The following ZFHX4 variants were observed in gnomAD, a reference collection of about 807,000 sequenced individuals.
ZFHX4 encodes zinc finger homeobox 4.
ZFHX4 carries 56 observed loss-of-function variants against 267.6 expected under a neutral mutation model. The ratio of observed to expected loss-of-function variants is 0.21; its 90% CI spans 0.17 to 0.26. The LOEUF is 0.26. Ranked by LOEUF, ZFHX4 falls within the 10% of genes least tolerant of loss-of-function variation. The pLI is 1.00. For synonymous variants in ZFHX4, 1,778 were observed against 1,665.6 expected (o/e 1.07, Z -1.64); for missense variants, 4,332 against 4,420.0 (o/e 0.98, Z 0.56).
chr8:76,840,636 C>T (rs1413757046), intron 5 of ZFHX4, among the ~76,000 whole-genome samples: 1 of 152,072 alleles, frequency 6.6e-6, no homozygotes, highest in Non-Finnish European at 1.5e-5. Flanking sequence ...TTTTATGTAC[C>T]CCCAAGATAA....
intron 3 of ZFHX4, among the ~76,000 whole-genome samples, chr8:76,770,089 C>T (rs1013786617): frequency 1.3e-5 from 2 of 152,130 alleles, no homozygotes; most frequent in African/African-American, 2.4e-5. Flanking sequence ...CTTTTTGTAA[C>T]TCTTTTCAAA....
rs75578257 is a variant in ZFHX4 at position 76,777,961 on chromosome 8, A to T, written c.3094-247A>T. Reference sequence around the variant, plus strand: ...TCTTTGCATATATCTGTTGGAAAACAGTTCCTCTTAGGAGTGGGCTTATAA... The same window carrying T: ...TCTTTGCATATATCTGTTGGAAAACTGTTCCTCTTAGGAGTGGGCTTATAA... On this transcript the variant is annotated intron_variant, in intron 3 of 10. Coordinates refer to ENST00000651372, the MANE Select transcript of ZFHX4 (RefSeq NM_024721.5). Among the ~76,000 whole-genome samples the T allele has an allele frequency of 0.025, 3,859 of 151,662 alleles. 67 individuals carry two copies. Among genetic ancestry groups the T allele is most frequent in the Non-Finnish European group, 0.042 (2,827 of 67,936 alleles).
intron 1 of ZFHX4, among the ~76,000 whole-genome samples, chr8:76,692,577 T>C (rs1394075148): frequency 2.0e-5 from 3 of 152,140 alleles, no homozygotes; most frequent in East Asian, 3.8e-4. Flanking sequence ...CAGTCCTTTA[T>C]TGTTCTATAA....
intron 3 of ZFHX4, among the ~76,000 whole-genome samples, chr8:76,729,217 T>A (rs1343312647): frequency 6.6e-6 from 1 of 152,140 alleles, no homozygotes; most frequent in African/African-American, 2.4e-5. Flanking sequence ...CTACTACCAT[T>A]GTAATGATAG....
intron 3 of ZFHX4, among the ~76,000 whole-genome samples, chr8:76,715,719 G>A (rs994523030): frequency 6.6e-6 from 1 of 151,810 alleles, no homozygotes; most frequent in African/African-American, 2.4e-5. Context: ...ATTTCACTTG[G>A]TTTTACACCA....
In ZFHX4 at chr8:76,854,901, G is replaced by A. The variant is rs1376297935; in HGVS notation, c.7980G>A (p.Glu2660=). 2.5e-6 allele frequency: 4 copies of A among 1,613,350 alleles called. No individual in the cohort carries two copies. The South Asian group carries it at 4.4e-5, about 18-fold the overall frequency. ...QVWFQNTRAR[E]RKGQFRAVGP... ...GGTTCCAGAATACACGAGCGCGGGA[G>A]AGGAAAGGCCAGTTCCGGGCGGTGG... The change falls in exon 10 of 11, where the codon GAG becomes GAA. Residue 2660 remains glutamate, a synonymous_variant. Coordinates refer to ENST00000651372, the MANE Select transcript of ZFHX4 (RefSeq NM_024721.5).
At chr8:76,826,928 C>T (rs74373646) in intron 4 of ZFHX4, among the ~76,000 whole-genome samples, 2,980 of 152,326 alleles carry the variant, frequency 0.02, 74 homozygotes, top group African/African-American at 0.062. Context: ...AGCCAGTGCT[C>T]AGCACAAACA....
At chr8:76,682,892 C>T (rs914999009) in intron 1 of ZFHX4, among the ~76,000 whole-genome samples, 6 of 152,058 alleles carry the variant, frequency 3.9e-5, no homozygotes, top group Non-Finnish European at 8.8e-5. Context: ...CTATCCACCC[C>T]CAACCCCCTT....
intron 3 of ZFHX4, among the ~76,000 whole-genome samples, chr8:76,742,194 G>A (rs1809336174): frequency 2.6e-5 from 4 of 151,872 alleles, no homozygotes; most frequent in Admixed American, 2.6e-4. Flanking sequence ...TATGCTTGTT[G>A]GGTGAAAGCA....
At chr8:76,694,648 T>C (rs1321997715) in intron 1 of ZFHX4, among the ~76,000 whole-genome samples, 11 of 145,202 alleles carry the variant, frequency 7.6e-5, no homozygotes, top group Admixed American at 2.8e-4. Context: ...CTTTTTTTTT[T>C]CCCTCCTCCT....
chr8:76,837,085 G>A (rs1308347955), intron 5 of ZFHX4, among the ~76,000 whole-genome samples: 1 of 152,028 alleles, frequency 6.6e-6, no homozygotes. Flanking sequence ...AGACTTTTTG[G>A]ACATCCAGTA....
rs2131947510 is a variant in ZFHX4 at position 76,852,713 on chromosome 8, T to C, written c.5792T>C (p.Val1931Ala). 1.9e-6 allele frequency: 3 copies of C among 1,613,832 alleles called. No individual in the cohort carries two copies. The highest frequency in any genetic ancestry group is 2.5e-6 in the Non-Finnish European group (3 of 1,179,842). ...CAGTATAACGAAAACAGGCAGAAGG[T>C]ACAGAAGAAGGGCAAAAGTGGTGAA... ...VIQYNENRQK[V>A]QKKGKSGEGE... Residue 1931 changes from valine to alanine, a missense_variant, in exon 10 of 11, where the codon GTA becomes GCA. Around this residue, in one of 7 missense-constraint regions of ZFHX4, gnomAD observed 1,371 missense variants for 1,423.1 expected, o/e 0.96. Transcript: ENST00000651372.
intron 3 of ZFHX4, among the ~76,000 whole-genome samples, chr8:76,751,470 T>C (rs1397955835): frequency 6.6e-6 from 1 of 152,174 alleles, no homozygotes; most frequent in Non-Finnish European, 1.5e-5. Flanking sequence ...CACAGTGGTC[T>C]TGGCAACAAT....
intron 4 of ZFHX4, among the ~76,000 whole-genome samples, chr8:76,787,735 C>A (rs1485852434): frequency 1.3e-5 from 2 of 151,558 alleles, no homozygotes; most frequent in Non-Finnish European, 2.9e-5. Flanking sequence ...ATGGCGTGAA[C>A]CCGGGAGGCA....
intron 4 of ZFHX4, among the ~76,000 whole-genome samples, chr8:76,816,939 A>C (rs940278704): frequency 3.9e-5 from 6 of 152,098 alleles, no homozygotes; most frequent in African/African-American, 1.4e-4. Flanking sequence ...TAACTCTGTC[A>C]TTATTTCTAG....
chr8:76,768,613 T>A (rs1810151884), intron 3 of ZFHX4, among the ~76,000 whole-genome samples: 1 of 152,132 alleles, frequency 6.6e-6, no homozygotes, highest in African/African-American at 2.4e-5. Flanking sequence ...AACAGTAATG[T>A]GAAGGCACAG....
chr8:76,774,388 A>G (rs900454701), intron 3 of ZFHX4, among the ~76,000 whole-genome samples: 6 of 152,184 alleles, frequency 3.9e-5, no homozygotes, highest in African/African-American at 1.4e-4. Flanking sequence ...CTTAAATTCA[A>G]AGACTCATTC....
chr8:76,822,452 C>CTTTTTTTTTTTTTTTTTTTTT (rs5892566), intron 4 of ZFHX4, among the ~76,000 whole-genome samples: 2 of 116,150 alleles, frequency 1.7e-5, no homozygotes, highest in African/African-American at 3.7e-5. Flanking sequence ...GTGTCTACCT[C>CTTTTTTTTTTTTTTTTTTTTT]TTTTTTTTTT....
Position 76,704,908 on chromosome 8 carries a change from A to G in ZFHX4, c.820A>G (p.Arg274Gly), listed in dbSNP as rs773007933. Residue 274 changes from arginine (R) to glycine (G), a missense_variant, in exon 2 of 11, where the codon AGG becomes GGG. This residue lies in a region of ZFHX4 where 1,195 missense variants were observed against 1,173.6 expected (regional missense o/e 1.02). Transcript: ENST00000651372. ...KFDGCVSDGK[R>G]KPVLMCFLCK... Reference sequence around the variant, plus strand: ...CGATGGTTGTGTTAGCGATGGGAAAAGGAAACCTGTTTTAATGTGTTTCTT... The same window carrying G: ...CGATGGTTGTGTTAGCGATGGGAAAGGGAAACCTGTTTTAATGTGTTTCTT... 11 of 1,614,164 alleles carry G rather than the reference A, an allele frequency of 6.8e-6. No homozygotes were observed. In the South Asian group the frequency reaches 1.2e-4, roughly 18 times the overall value.
Sources: allele counts gnomAD v4.1 joint callset (sites outside exome capture counted in the v4.1 genomes callset), GRCh38; gene constraint gnomAD v4.1.1; regional missense constraint gnomAD v4.1.1; transcripts MANE v1.5; gene names NCBI Gene and HGNC (gene_info 2026-07-23, HGNC 2026-07-21).